SCRN1: variants seen among roughly 807,000 people sequenced by gnomAD.
SCRN1 encodes secernin 1, also known as secernin-1.
In SCRN1, 19 loss-of-function variants were observed where a neutral mutation model predicts 43.3. The ratio of observed to expected loss-of-function variants is 0.44; its 90% CI spans 0.31 to 0.64. The LOEUF is 0.64. SCRN1 is among the 30% of genes least tolerant of loss of function. SCRN1 has a pLI of 0.09. For synonymous variants in SCRN1, 183 were observed against 188.9 expected (o/e 0.97, Z 0.26); for missense variants, 447 against 524.1 (o/e 0.85, Z 1.44).
chr7:29,974,507 G>A (rs1004141270), intron 1 of SCRN1, among the ~76,000 whole-genome samples: 2 of 151,934 alleles, frequency 1.3e-5, no homozygotes, highest in Non-Finnish European at 2.9e-5. Context: ...AACCTGAGAC[G>A]AAACCCTTCG....
intron 3 of SCRN1, among the ~76,000 whole-genome samples, chr7:29,952,130 A>G (rs943374107): frequency 1.3e-5 from 2 of 152,232 alleles, no homozygotes; most frequent in Admixed American, 1.3e-4. Flanking sequence ...CAACTGATAG[A>G]AAGTTTCCTG....
At chr7:29,947,278 T>C in intron 3 of SCRN1, 2 of 1,550,810 alleles carry the variant, frequency 1.3e-6, no homozygotes, top group Non-Finnish European at 1.7e-6. Flanking sequence ...TTCTCACAGG[T>C]ATGTCAAGCT....
rs1786764849 is a variant in SCRN1, at chr7:29,921,689, C to G, written c.*2268G>C. On this transcript the variant is annotated 3_prime_UTR_variant, in exon 8 of 8. Coordinates refer to ENST00000242059, the MANE Select transcript of SCRN1 (RefSeq NM_014766.5). ...CAAGACAGCTCTCAATTAGGGTTGC[C>G]TTCTTTAAGATGCTTGACCAAGGTC... The G allele has an allele frequency of 3.9e-5, 6 of 152,212 alleles. No homozygotes were observed. The highest frequency in any genetic ancestry group is 3.9e-4 in the Admixed American group (6 of 15,280). 9.4% of individuals were successfully genotyped at this position (152,212 alleles called of 1,614,324 possible). A position where few individuals can be genotyped will look rare whatever the true frequency, so the allele number is the denominator to read the frequency against.
intron 6 of SCRN1, among the ~76,000 whole-genome samples, chr7:29,931,469 C>G (rs1415662542): frequency 2.6e-5 from 4 of 152,224 alleles, no homozygotes; most frequent in Non-Finnish European, 5.9e-5. Flanking sequence ...AATCACATTC[C>G]TACTAAGTGG....
intron 2 of SCRN1, 98 bp from the exon 3 acceptor site, chr7:29,955,458 C>G (rs1317745758): frequency 3.3e-6 from 4 of 1,195,102 alleles, no homozygotes; most frequent in Non-Finnish European, 4.7e-6. Context: ...TAGTTACAAA[C>G]AGAGCCAAAA....
intron 2 of SCRN1, among the ~76,000 whole-genome samples, chr7:29,966,920 G>C (rs1024090146): frequency 2.6e-5 from 4 of 151,934 alleles, no homozygotes; most frequent in African/African-American, 9.7e-5. Context: ...AACTGAAACA[G>C]AGCCAGTGAT....
chr7:29,924,208 T>TAGAGG, intron 7 of SCRN1, 93 bp from the exon 8 acceptor site: 1 of 1,299,458 alleles, frequency 7.7e-7, no homozygotes, highest in Non-Finnish European at 1.1e-6. Context: ...GCTGGCTTCC[T>TAGAGG]GCTCAAGGTC....
chr7:29,981,923 TG>T (rs1789003163), intron 1 of SCRN1, among the ~76,000 whole-genome samples: 1 of 152,132 alleles, frequency 6.6e-6, no homozygotes, highest in Non-Finnish European at 1.5e-5. Flanking sequence ...TGGGTAGGTA[TG>T]GGAGTGAGGG....
intron 1 of SCRN1, among the ~76,000 whole-genome samples, chr7:29,971,641 AAAAAAAAAAACTTTAT>A (rs1788668503): frequency 6.6e-6 from 1 of 152,084 alleles, no homozygotes; most frequent in Admixed American, 6.5e-5. Context: ...CTCAAAAAAA[AAAAAAAAAAACTTTAT>A]TTGGGTTTTG....
intron 2 of SCRN1, among the ~76,000 whole-genome samples, chr7:29,962,125 C>G (rs1788342490): frequency 6.7e-6 from 1 of 149,042 alleles, no homozygotes; most frequent in Non-Finnish European, 1.5e-5. Flanking sequence ...AATATAACCA[C>G]CTAGTATATA....
At chr7:29,962,087 T>C (rs1415397914) in intron 2 of SCRN1, among the ~76,000 whole-genome samples, 2 of 151,092 alleles carry the variant, frequency 1.3e-5, no homozygotes, top group African/African-American at 2.4e-5. Context: ...CTTGAGAGTG[T>C]TGAGGTCCCA....
intron 1 of SCRN1, among the ~76,000 whole-genome samples, chr7:29,975,340 T>A (rs1377166956): frequency 2.6e-5 from 4 of 152,210 alleles, no homozygotes; most frequent in African/African-American, 9.7e-5. Flanking sequence ...CTTCCTTGTT[T>A]GAGGCATAAT....
chr7:29,970,879 GT>G (rs1291188838), intron 1 of SCRN1, among the ~76,000 whole-genome samples: 1 of 151,980 alleles, frequency 6.6e-6, no homozygotes, highest in Non-Finnish European at 1.5e-5. Flanking sequence ...CCACCCACAG[GT>G]ACTAATACAT....
chr7:29,926,732 A>ATGGTGGG, intron 6 of SCRN1, 100 bp from the exon 7 acceptor site: 1 of 516,878 alleles, frequency 1.9e-6, no homozygotes, highest in Non-Finnish European at 3.3e-6. Flanking sequence ...AAGCCAACTT[A>ATGGTGGG]TGGTGGGTGG....
rs949614249 is a variant in SCRN1, at chr7:29,921,515, A to G, written c.*2442T>C. ...CTCTGCTCTCTTGTCGTCTTTCTCC[A>G]CCCATCCCAATGCACAACTGTCAAC... On this transcript the variant is annotated 3_prime_UTR_variant, in exon 8 of 8. Coordinates refer to ENST00000242059, the MANE Select transcript of SCRN1 (RefSeq NM_014766.5). 1 of 152,186 alleles carries G rather than the reference A, an allele frequency of 6.6e-6. No individual in the cohort carries two copies. The highest frequency in any genetic ancestry group is 1.5e-5 in the Non-Finnish European group (1 of 68,056). The allele number at this position is 152,186 out of a possible 1,614,324, so 9.4% of individuals were successfully genotyped here.
In SCRN1 at chr7:29,922,958, T is replaced by C. The variant is rs1786816676; in HGVS notation, c.*999A>G. On this transcript the variant is annotated 3_prime_UTR_variant, in exon 8 of 8. Transcript: ENST00000242059. Reference sequence around the variant, plus strand: ...TTAAAGTCTCTCTGCTGAGATAATGTAGTGACTGCTAGGATTCCAGATATT... The same window carrying C: ...TTAAAGTCTCTCTGCTGAGATAATGCAGTGACTGCTAGGATTCCAGATATT... 1 of 152,254 alleles carries C rather than the reference T, an allele frequency of 6.6e-6. No individual in the cohort carries two copies. The highest frequency in any genetic ancestry group is 1.5e-5 in the Non-Finnish European group (1 of 68,046). 9.4% of individuals were successfully genotyped at this position (152,254 alleles called of 1,614,324 possible). A position where few individuals can be genotyped will look rare whatever the true frequency, so the allele number is the denominator to read the frequency against.
intron 2 of SCRN1, among the ~76,000 whole-genome samples, chr7:29,963,173 T>C (rs531353979): frequency 6.6e-6 from 1 of 152,136 alleles, no homozygotes; most frequent in Non-Finnish European, 1.5e-5. Flanking sequence ...GATCTCTATC[T>C]GGCAAATAAA....
intron 3 of SCRN1, among the ~76,000 whole-genome samples, chr7:29,953,559 C>T (rs983332999): frequency 6.6e-6 from 1 of 151,894 alleles, no homozygotes; most frequent in Non-Finnish European, 1.5e-5. Context: ...TCTTGTTATT[C>T]TATACATTTC....
intron 1 of SCRN1, 158 bp from the exon 2 acceptor site, chr7:29,969,226 G>C (rs998739790): frequency 6.4e-6 from 5 of 775,686 alleles, no homozygotes; most frequent in Middle Eastern, 3.7e-4. Flanking sequence ...AAGGTGGGAC[G>C]CCTGCAGTGG....
Sources: allele counts gnomAD v4.1 joint callset (sites outside exome capture counted in the v4.1 genomes callset), GRCh38; gene constraint gnomAD v4.1.1; transcripts MANE v1.5; gene names NCBI Gene and HGNC (gene_info 2026-07-23, HGNC 2026-07-21).